The following MYO6 variants were observed in gnomAD, a reference collection of about 807,000 sequenced individuals.
MYO6 encodes the protein unconventional myosin-VI.
MYO6 carries 74 observed loss-of-function variants against 178.7 expected under a neutral mutation model. The ratio of observed to expected loss-of-function variants is 0.41; its 90% CI spans 0.34 to 0.50. The LOEUF is 0.50. Ranked by LOEUF, MYO6 falls within the 20% of genes least tolerant of loss-of-function variation. The pLI is 0.09. For missense variants in MYO6, 1,330 were observed against 1,547.4 expected, an observed-to-expected ratio of 0.86 and a Z score of 2.36; for synonymous variants, 477 against 504.6, an observed-to-expected ratio of 0.95 and a Z score of 0.73.
At chr6:75,825,518 A>G (rs1174174426) in intron 3 of MYO6, among the ~76,000 whole-genome samples, 2 of 152,270 alleles carry the variant, frequency 1.3e-5, no homozygotes, top group Admixed American at 6.5e-5. Context: ...CCTTGAACCC[A>G]GGAGGCGGAG....
intron 5 of MYO6, 83 bp from the exon 6 acceptor site, chr6:75,832,759 G>A: frequency 1.3e-6 from 1 of 789,658 alleles, no homozygotes; most frequent in Non-Finnish European, 2.2e-6. Flanking sequence ...TTCTTTAAGA[G>A]TAAGTGGTCC....
intron 1 of MYO6, among the ~76,000 whole-genome samples, chr6:75,757,107 GTA>G (rs1312783575): frequency 6.9e-6 from 1 of 144,866 alleles, no homozygotes; most frequent in African/African-American, 2.5e-5. Flanking sequence ...TATGTATTGT[GTA>G]TATATGTGTA....
At chr6:75,796,217 T>C (rs918978192) in intron 1 of MYO6, among the ~76,000 whole-genome samples, 1 of 152,236 alleles carries the variant, frequency 6.6e-6, no homozygotes, top group Non-Finnish European at 1.5e-5. Flanking sequence ...CTTTCTAATA[T>C]GCATATCTAA....
At position 75,885,818 on chromosome 6, in the gene MYO6, GA is replaced by G. The variant is rs1778389541; in HGVS notation, c.2417-185del. On this transcript the variant is annotated intron_variant, in intron 23 of 34. Coordinates refer to ENST00000369977, the MANE Select transcript of MYO6 (RefSeq NM_004999.4). ...ATGCCATTGCACTCCAGCCTGGGTT[GA>G]GACTGTCAAAACAAAAACAAACAAA... is the stretch of plus-strand genomic sequence containing the variant. Among the ~76,000 whole-genome samples the G allele has an allele frequency of 3.9e-5, 6 of 152,228 alleles. No individual in the cohort carries two copies. In the South Asian group the frequency reaches 1.2e-3, roughly 32 times the overall value.
chr6:75,788,296 G>A (rs574336921), intron 1 of MYO6, among the ~76,000 whole-genome samples: 26 of 151,850 alleles, frequency 1.7e-4, no homozygotes, highest in Admixed American at 6.6e-4. Context: ...CCTGGGAGGC[G>A]GAAGTTGCAG....
chr6:75,848,394 A>G lies in MYO6; in HGVS notation c.941A>G (p.His314Arg). The G allele has an allele frequency of 6.2e-7, 1 of 1,613,848 alleles. No homozygotes were observed. The highest frequency in any genetic ancestry group is 8.5e-7 in the Non-Finnish European group (1 of 1,179,826). ...ATGAAAGATCCTCTGCTAGATGACC[A>G]TGGTGATTTTATTAGAATGTGCACG... ...GSMKDPLLDD[H>R]GDFIRMCTAM... The change falls in exon 11 of 35, where the codon CAT becomes CGT. Residue 314 changes from histidine to arginine, a missense_variant. His to Arg is a conservative substitution (Grantham distance 29). This residue lies in a region of MYO6 where 613 missense variants were observed against 816.8 expected (regional missense o/e 0.75). Coordinates refer to ENST00000369977, the MANE Select transcript of MYO6 (RefSeq NM_004999.4).
chr6:75,908,699 A>C, intron 32 of MYO6, 72 bp downstream of exon 32: 1 of 1,499,492 alleles, frequency 6.7e-7, no homozygotes, highest in Non-Finnish European at 9.3e-7. Context: ...TACTTAAGAC[A>C]TGGGTAAAAT....
rs527787322 is a variant in MYO6 at position 75,892,491 on chromosome 6, T to G, written c.2947-39T>G. ...TAAGGGGAGTGATCAAGTAAACAAG[T>G]GAAGAACTCTTGGTGAAATAGCTTT... On this transcript the variant is annotated intron_variant, in intron 27 of 34. Transcript: ENST00000369977. The G allele has an allele frequency of 8.6e-4, 1,382 of 1,613,622 alleles. 27 individuals carry two copies. In the South Asian group the frequency reaches 0.014, roughly 16 times the overall value.
chr6:75,913,825 G>A (rs976673586), intron 33 of MYO6, among the ~76,000 whole-genome samples: 3 of 152,108 alleles, frequency 2.0e-5, no homozygotes, highest in Non-Finnish European at 4.4e-5. Context: ...GGTGGTGGTA[G>A]TGGTATGTGT....
intron 23 of MYO6, among the ~76,000 whole-genome samples, chr6:75,882,546 T>C (rs1036855106): frequency 6.6e-6 from 1 of 152,152 alleles, no homozygotes; most frequent in African/African-American, 2.4e-5. Context: ...GACACTGTCT[T>C]GAACACCATA....
At chr6:75,839,867 AC>A (rs2150247240) in intron 7 of MYO6, among the ~76,000 whole-genome samples, 1 of 152,232 alleles carries the variant, frequency 6.6e-6, no homozygotes, top group East Asian at 1.9e-4. Flanking sequence ...GTCAAATAAT[AC>A]ATCTCTTGCC....
chr6:75,855,585 T>C (rs1775662858), intron 12 of MYO6, among the ~76,000 whole-genome samples: 1 of 152,122 alleles, frequency 6.6e-6, no homozygotes, highest in Admixed American at 6.5e-5. Flanking sequence ...TTAAAAGTAA[T>C]TTTTTTATGC....
intron 14 of MYO6, among the ~76,000 whole-genome samples, chr6:75,859,763 G>A (rs1026309061): frequency 2.7e-5 from 4 of 150,790 alleles, no homozygotes; most frequent in African/African-American, 9.8e-5. Context: ...AGGTTCAAGC[G>A]ATTCTCCTGC....
intron 11 of MYO6, among the ~76,000 whole-genome samples, chr6:75,852,321 TCTC>T (rs1775353109): frequency 6.6e-6 from 1 of 152,146 alleles, no homozygotes; most frequent in Non-Finnish European, 1.5e-5. Flanking sequence ...TCAAAGTATC[TCTC>T]TTTTTTCTTT....
Position 75,859,143 on chromosome 6 carries a change from C to T in MYO6, c.1473+150C>T, listed in dbSNP as rs3818309. 52,406 of 620,206 alleles carry T rather than the reference C, an allele frequency of 0.084. 3,320 individuals carry two copies. The highest frequency in any genetic ancestry group is 0.28 in the East Asian group (9,880 of 34,964). The allele number at this position is 620,206 out of a possible 1,614,324, so 38.4% of individuals were successfully genotyped here. ...AATCTGGGAAGCCCAGCAGAGGCCC[C>T]GGGGCTCAGGCACGTCAGAAGTGTT... On this transcript the variant is annotated intron_variant, in intron 14 of 34. Coordinates refer to ENST00000369977, the MANE Select transcript of MYO6 (RefSeq NM_004999.4).
At chr6:75,894,036 G>C (rs2149377753) in intron 28 of MYO6, among the ~76,000 whole-genome samples, 1 of 152,336 alleles carries the variant, frequency 6.6e-6, no homozygotes, top group Middle Eastern at 3.4e-3. Flanking sequence ...ATGTCTGTGA[G>C]GAAGTACTGC....
intron 30 of MYO6, among the ~76,000 whole-genome samples, chr6:75,905,743 C>T (rs1306603263): frequency 6.6e-6 from 1 of 152,236 alleles, no homozygotes; most frequent in Non-Finnish European, 1.5e-5. Context: ...TGGCTCGTGC[C>T]TCCACATTAT....
chr6:75,824,315 T>G (rs1275750371), intron 3 of MYO6, among the ~76,000 whole-genome samples: 1 of 152,230 alleles, frequency 6.6e-6, no homozygotes, highest in Non-Finnish European at 1.5e-5. Flanking sequence ...GCAGCAGTGT[T>G]AATGTGTGGG....
Position 75,892,597 on chromosome 6 carries a change from A to G in MYO6, c.3014A>G (p.Gln1005Arg), listed in dbSNP as rs1338138984. 1 of 1,613,728 alleles carries G rather than the reference A, an allele frequency of 6.2e-7. No homozygotes were observed. Among genetic ancestry groups the G allele is most frequent in the Non-Finnish European group, 8.5e-7 (1 of 1,180,026 alleles). ...EESQQQAVLE[Q>R]ERRDRELALR... ...TCCCAACAGCAAGCAGTTCTGGAGC[A>G]GGAGCGCAGGGACCGGGAGCTGGCC... The change falls in exon 28 of 35, where the codon CAG becomes CGG. Residue 1005 changes from glutamine to arginine, a missense_variant. Physicochemically the swap from Gln to Arg is conservative, Grantham distance 43 (BLOSUM62 1). Around this residue, in one of 3 missense-constraint regions of MYO6, gnomAD observed 601 missense variants for 626.1 expected, o/e 0.96. Coordinates refer to ENST00000369977, the MANE Select transcript of MYO6 (RefSeq NM_004999.4).
Sources: allele counts gnomAD v4.1 joint callset (sites outside exome capture counted in the v4.1 genomes callset), GRCh38; gene constraint gnomAD v4.1.1; regional missense constraint gnomAD v4.1.1; transcripts MANE v1.5; gene names NCBI Gene and HGNC (gene_info 2026-07-23, HGNC 2026-07-21).